The following VWA3B variants were observed in gnomAD, a reference collection of about 807,000 sequenced individuals.
VWA3B encodes the protein von Willebrand factor A domain-containing protein 3B.
VWA3B carries 138 observed loss-of-function variants against 158.3 expected under a neutral mutation model. That is an observed-to-expected ratio of 0.87 (90% confidence interval 0.76 to 1.00). The LOEUF is 1.00. VWA3B is among the 50% of genes least tolerant of loss of function. The pLI, the probability that VWA3B is intolerant of heterozygous loss-of-function variation, is 0.00. For missense variants in VWA3B, 1,555 were observed against 1,565.1 expected (o/e 0.99, Z 0.11); for synonymous variants, 596 against 587.3 (o/e 1.01, Z -0.21).
chr2:98,241,192 T>C (rs1403958485), intron 19 of VWA3B, among the ~76,000 whole-genome samples: 1 of 151,842 alleles, frequency 6.6e-6, no homozygotes, highest in Non-Finnish European at 1.5e-5. Flanking sequence ...GGTGGAGAGA[T>C]GGGAAGAGAG....
intron 8 of VWA3B, among the ~76,000 whole-genome samples, chr2:98,173,682 G>A (rs1679778535): frequency 6.6e-6 from 1 of 152,142 alleles, no homozygotes; most frequent in Non-Finnish European, 1.5e-5. Flanking sequence ...AATGACTGTG[G>A]AGGGCTGGGC....
At chr2:98,206,307 C>G (rs1452485491) in intron 12 of VWA3B, 1 of 162,968 alleles carries the variant, frequency 6.1e-6, no homozygotes, top group Non-Finnish European at 1.3e-5. Flanking sequence ...ATCACCTTTG[C>G]TGAAGACAGG....
intron 7 of VWA3B, among the ~76,000 whole-genome samples, chr2:98,156,486 G>A (rs78709502): frequency 0.01 from 1,575 of 152,200 alleles, 29 homozygotes; most frequent in African/African-American, 0.036. Context: ...AGCAGATGCC[G>A]GTGCGGGGTT....
At chr2:98,315,460 G>T (rs1691067344), downstream of VWA3B, among the ~76,000 whole-genome samples, 1 of 152,226 alleles carries the variant, frequency 6.6e-6, no homozygotes, top group South Asian at 2.1e-4. Context: ...AAACTATGTG[G>T]AATGGGTACA....
At chr2:98,315,300 ACACT>A (rs1691065173), downstream of VWA3B, among the ~76,000 whole-genome samples, 2 of 152,192 alleles carry the variant, frequency 1.3e-5, no homozygotes, top group African/African-American at 2.4e-5. Context: ...TCTGTTAAAC[ACACT>A]CACAGACACA....
At chr2:98,292,873 A>G (rs1260874409) in intron 23 of VWA3B, among the ~76,000 whole-genome samples, 1 of 152,020 alleles carries the variant, frequency 6.6e-6, no homozygotes, top group East Asian at 1.9e-4. Flanking sequence ...CTGAGGCAGG[A>G]GAATCGCTTG....
At chr2:98,312,074 G>T in intron 27 of VWA3B, 42 bp downstream of exon 27, 1 of 1,597,338 alleles carries the variant, frequency 6.3e-7, no homozygotes, top group East Asian at 2.3e-5. Flanking sequence ...CTTATCTCAG[G>T]AACACCCTGA....
At chr2:98,191,805 C>A (rs1277485608) in intron 10 of VWA3B, among the ~76,000 whole-genome samples, 1 of 152,168 alleles carries the variant, frequency 6.6e-6, no homozygotes, top group Non-Finnish European at 1.5e-5. Flanking sequence ...CTGGAGCATG[C>A]TCTCTCTCCC....
chr2:98,190,146 AT>A (rs1034752792), intron 10 of VWA3B, among the ~76,000 whole-genome samples: 4 of 151,886 alleles, frequency 2.6e-5, no homozygotes, highest in Non-Finnish European at 4.4e-5. Flanking sequence ...TTGTTTGAGT[AT>A]TTTTTATTAT....
intron 21 of VWA3B, among the ~76,000 whole-genome samples, chr2:98,267,091 G>A (rs1167466170): frequency 1.3e-5 from 2 of 151,776 alleles, no homozygotes; most frequent in African/African-American, 4.8e-5. Flanking sequence ...ATGTTGAATA[G>A]GAGTGGTGAG....
At chr2:98,216,690 C>A in intron 13 of VWA3B, 1 of 471,400 alleles carries the variant, frequency 2.1e-6, no homozygotes, top group Middle Eastern at 3.3e-4. Flanking sequence ...TGGCCTTATC[C>A]TAGGCTGACA....
At chr2:98,294,468 T>A (rs1689685645) in intron 23 of VWA3B, among the ~76,000 whole-genome samples, 1 of 152,188 alleles carries the variant, frequency 6.6e-6, no homozygotes, top group Non-Finnish European at 1.5e-5. Context: ...GGGATTGTGG[T>A]GGGGATTTCC....
chr2:98,111,744 T>TG (rs1674146215), intron 2 of VWA3B, among the ~76,000 whole-genome samples: 1 of 152,264 alleles, frequency 6.6e-6, no homozygotes, highest in African/African-American at 2.4e-5. Context: ...TAAATGGGGT[T>TG]ATTTTTTGCT....
At chr2:98,213,370 C>T (rs543842603) in intron 13 of VWA3B, among the ~76,000 whole-genome samples, 1 of 152,264 alleles carries the variant, frequency 6.6e-6, no homozygotes, top group East Asian at 1.9e-4. Flanking sequence ...AAACATGCCT[C>T]AGTTGTGCCA....
intron 22 of VWA3B, among the ~76,000 whole-genome samples, chr2:98,288,278 C>A (rs941816673): frequency 2.4e-4 from 37 of 152,042 alleles, no homozygotes; most frequent in African/African-American, 8.2e-4. Flanking sequence ...TAATTTTTTT[C>A]CATCAGACTT....
At position 98,300,112 on chromosome 2, in the gene VWA3B, C is replaced by T; in HGVS notation, c.3316C>T (p.Pro1106Ser). 1.2e-6 allele frequency: 2 copies of T among 1,614,204 alleles called. No homozygotes were observed. The highest frequency in any genetic ancestry group is 8.5e-7 in the Non-Finnish European group (1 of 1,180,030). The change falls in exon 25 of 28, where the codon CCC (proline) becomes TCC (serine). Residue 1106 changes from proline (P) to serine (S), a missense_variant. Physicochemically the swap from Pro to Ser is moderately conservative, Grantham distance 74 (BLOSUM62 -1). Coordinates refer to ENST00000477737, the MANE Select transcript of VWA3B (RefSeq NM_144992.5). ...GDYVFAKIVIPKGFDFYVPAI... is the reference protein window; with the variant it reads ...GDYVFAKIVISKGFDFYVPAI... ...TTATGTGTTTGCCAAAATTGTGATA[C>T]CCAAAGGATTTGACTTCTATGTCCC... is the stretch of plus-strand genomic sequence containing the variant.
At chr2:98,108,430 TA>T (rs1184596609) in intron 2 of VWA3B, among the ~76,000 whole-genome samples, 4 of 152,222 alleles carry the variant, frequency 2.6e-5, no homozygotes, top group African/African-American at 9.6e-5. Context: ...TTCTATCAGT[TA>T]TTGAGAAAGC....
intron 13 of VWA3B, among the ~76,000 whole-genome samples, chr2:98,213,799 G>A (rs1021447173): frequency 4.6e-5 from 7 of 152,096 alleles, no homozygotes; most frequent in African/African-American, 1.7e-4. Context: ...GAGACATCTA[G>A]GCAAGTCAAG....
chr2:98,323,311 C>A, the VWA3B span, among the ~76,000 whole-genome samples: 1 of 151,750 alleles, frequency 6.6e-6, no homozygotes, highest in African/African-American at 2.4e-5. Flanking sequence ...ATAGACTGAG[C>A]AGCAAAATGG....
Sources: allele counts gnomAD v4.1 joint callset (sites outside exome capture counted in the v4.1 genomes callset), GRCh38; gene constraint gnomAD v4.1.1; transcripts MANE v1.5; gene names NCBI Gene and HGNC (gene_info 2026-07-23, HGNC 2026-07-21).